The following GMDS variants were observed in gnomAD, a reference collection of about 807,000 sequenced individuals.
GMDS encodes GDP-mannose 4,6-dehydratase, also known as GDP-mannose 4,6 dehydratase.
In GMDS, 20 loss-of-function variants were observed where a neutral mutation model predicts 49.9. That is an observed-to-expected ratio of 0.40 (90% CI 0.28 to 0.58). The LOEUF (loss-of-function observed/expected upper bound fraction) is 0.58. GMDS is among the 20% of genes least tolerant of loss of function. The pLI is 0.42. For missense variants in GMDS, 362 were observed against 481.4 expected (o/e 0.75, Z 2.32); for synonymous variants, 177 against 178.6 (o/e 0.99, Z 0.07).
At chr6:1,900,628 G>A (rs1760453361) in intron 7 of GMDS, among the ~76,000 whole-genome samples, 1 of 152,142 alleles carries the variant, frequency 6.6e-6, no homozygotes, top group Admixed American at 6.5e-5. Flanking sequence ...AAGTTTTATG[G>A]CCAACTTCTA....
chr6:1,626,077 G>A (rs1327619699), intron 9 of GMDS: 1 of 152,254 alleles, frequency 6.6e-6, no homozygotes, highest in African/African-American at 2.4e-5. Flanking sequence ...GGTCGAGAGG[G>A]CAGGGGTGGG....
intron 1 of GMDS, among the ~76,000 whole-genome samples, chr6:2,161,382 C>G (rs1777393237): frequency 6.6e-6 from 1 of 152,212 alleles, no homozygotes; most frequent in African/African-American, 2.4e-5. Context: ...CTGACTGAAA[C>G]AAGCTGTTAA....
At chr6:2,103,902 G>A (rs1774067882) in intron 4 of GMDS, among the ~76,000 whole-genome samples, 1 of 152,190 alleles carries the variant, frequency 6.6e-6, no homozygotes, top group African/African-American at 2.4e-5. Flanking sequence ...ATATATTTGT[G>A]CTTGTGCACT....
At chr6:1,741,766 C>A (rs575126141) in intron 8 of GMDS, among the ~76,000 whole-genome samples, 34 of 126,332 alleles carry the variant, frequency 2.7e-4, no homozygotes, top group African/African-American at 1.1e-3. Flanking sequence ...GAGCCAAGAT[C>A]GCACCACTGC....
chr6:2,163,815 G>A (rs1277405068), intron 1 of GMDS, among the ~76,000 whole-genome samples: 4 of 152,136 alleles, frequency 2.6e-5, no homozygotes, highest in Non-Finnish European at 5.9e-5. Flanking sequence ...TGCTGCATTA[G>A]GTTTCCCAAT....
intron 4 of GMDS, among the ~76,000 whole-genome samples, chr6:2,026,986 T>C (rs1469318830): frequency 2.6e-5 from 4 of 152,284 alleles, no homozygotes; most frequent in Non-Finnish European, 4.4e-5. Flanking sequence ...AAAGAAAATA[T>C]ACCAAAAAAT....
At chr6:1,827,677 A>C (rs1418713844) in intron 7 of GMDS, among the ~76,000 whole-genome samples, 4 of 152,166 alleles carry the variant, frequency 2.6e-5, no homozygotes, top group Non-Finnish European at 5.9e-5. Context: ...TGCATAGATG[A>C]GGGGATTTAG....
chr6:1,878,264 G>A (rs919776521), intron 7 of GMDS, among the ~76,000 whole-genome samples: 12 of 135,596 alleles, frequency 8.8e-5, no homozygotes, highest in South Asian at 4.6e-4. Context: ...GCAGTGAGCC[G>A]AGATTGCACC....
At chr6:1,627,139 A>G (rs770958326) in intron 9 of GMDS, among the ~76,000 whole-genome samples, 3 of 152,234 alleles carry the variant, frequency 2.0e-5, no homozygotes, top group Non-Finnish European at 4.4e-5. Context: ...ACTGGGCAGT[A>G]AGCTTATGTT....
chr6:1,841,706 T>C (rs1226406535), intron 7 of GMDS, among the ~76,000 whole-genome samples: 5 of 152,076 alleles, frequency 3.3e-5, no homozygotes, highest in Admixed American at 2.6e-4. Flanking sequence ...CAGGTACAGG[T>C]AGGTGGTGTT....
At chr6:2,238,620 C>T (rs1479453671) in intron 1 of GMDS, among the ~76,000 whole-genome samples, 1 of 152,160 alleles carries the variant, frequency 6.6e-6, no homozygotes, top group Admixed American at 6.5e-5. Flanking sequence ...TTCATAAACA[C>T]TACATGCCAG....
intron 4 of GMDS, among the ~76,000 whole-genome samples, chr6:2,049,439 A>G (rs1770244889): frequency 6.6e-6 from 1 of 152,188 alleles, no homozygotes; most frequent in Non-Finnish European, 1.5e-5. Flanking sequence ...ATTAAGTAGA[A>G]TATTCTTTAC....
chr6:1,667,125 G>A (rs541204726), intron 9 of GMDS, among the ~76,000 whole-genome samples: 2 of 152,210 alleles, frequency 1.3e-5, no homozygotes, highest in Non-Finnish European at 2.9e-5. Context: ...CTTTGAGAGT[G>A]GTGACGGTAG....
chr6:1,752,074 C>A (rs1470547641), intron 7 of GMDS, among the ~76,000 whole-genome samples: 1 of 151,982 alleles, frequency 6.6e-6, no homozygotes, highest in Non-Finnish European at 1.5e-5. Flanking sequence ...AGGTGGGTAA[C>A]AACAAACTCT....
intron 9 of GMDS, among the ~76,000 whole-genome samples, chr6:1,651,165 G>C (rs1424499943): frequency 6.6e-6 from 1 of 152,210 alleles, no homozygotes; most frequent in Admixed American, 6.5e-5. Context: ...TCCACCAGGA[G>C]TGTGGCATTG....
intron 9 of GMDS, among the ~76,000 whole-genome samples, chr6:1,696,280 C>T (rs1272829676): frequency 6.6e-6 from 1 of 152,212 alleles, no homozygotes; most frequent in African/African-American, 2.4e-5. Context: ...CAGAACTTTT[C>T]CCGAAGAGCG....
intron 4 of GMDS, among the ~76,000 whole-genome samples, chr6:2,016,775 G>C (rs932136112): frequency 3.9e-5 from 6 of 152,038 alleles, no homozygotes; most frequent in Non-Finnish European, 7.4e-5. Flanking sequence ...ACGACTTCTA[G>C]AAAATATGCA....
intron 1 of GMDS, among the ~76,000 whole-genome samples, 169 bp downstream of exon 1, chr6:2,245,152 C>T (rs1347866334): frequency 1.3e-5 from 2 of 152,220 alleles, no homozygotes; most frequent in Non-Finnish European, 2.9e-5. Context: ...ACCCCACACG[C>T]AACACACTAA....
At chr6:1,689,151 T>G (rs1765084405) in intron 9 of GMDS, among the ~76,000 whole-genome samples, 1 of 152,186 alleles carries the variant, frequency 6.6e-6, no homozygotes, top group Non-Finnish European at 1.5e-5. Context: ...AGATATATAT[T>G]TTTAACCATG....
Sources: allele counts gnomAD v4.1 joint callset (sites outside exome capture counted in the v4.1 genomes callset), GRCh38; gene constraint gnomAD v4.1.1; transcripts MANE v1.5; gene names NCBI Gene and HGNC (gene_info 2026-07-23, HGNC 2026-07-21).